The following DISC1 variants were observed in gnomAD, a reference collection of about 807,000 sequenced individuals.
DISC1 encodes DISC1 scaffold protein.
A neutral mutation model predicts 84.5 loss-of-function variants in DISC1; 57 were observed. That is an observed-to-expected ratio of 0.67 (90% CI 0.55 to 0.84). The LOEUF (loss-of-function observed/expected upper bound fraction) is 0.84. Among genes scored for constraint, DISC1 ranks in the 40% least tolerant of loss-of-function variants. The pLI is 0.00. For synonymous variants in DISC1, 411 were observed against 415.2 expected (o/e 0.99, Z 0.12); for missense variants, 1,000 against 1,057.8 (o/e 0.95, Z 0.76).
intron 11 of DISC1, among the ~76,000 whole-genome samples, chr1:232,016,202 T>TA (rs1423706641): frequency 1.3e-5 from 2 of 152,208 alleles, no homozygotes; most frequent in African/African-American, 2.4e-5. Flanking sequence ...GTGAAACACT[T>TA]AGAGTTCAAA....
chr1:232,020,863 C>T (rs947214519), intron 11 of DISC1, among the ~76,000 whole-genome samples: 1 of 152,172 alleles, frequency 6.6e-6, no homozygotes, highest in Non-Finnish European at 1.5e-5. Flanking sequence ...AGTAAAAACC[C>T]TTTTCCTCCT....
chr1:231,707,100 G>A (rs1337999156), intron 3 of DISC1, among the ~76,000 whole-genome samples: 3 of 152,150 alleles, frequency 2.0e-5, no homozygotes, highest in Admixed American at 6.5e-5. Flanking sequence ...AATAGAATCG[G>A]CCATTCTTAT....
intron 9 of DISC1, among the ~76,000 whole-genome samples, chr1:231,872,249 T>C (rs538518825): frequency 6.6e-6 from 1 of 152,358 alleles, no homozygotes; most frequent in East Asian, 1.9e-4. Flanking sequence ...TTGGCTTTCT[T>C]TCATTCTTTG....
chr1:231,642,613 T>G (rs2059819482), intron 1 of DISC1, among the ~76,000 whole-genome samples: 1 of 151,814 alleles, frequency 6.6e-6, no homozygotes, highest in South Asian at 2.1e-4. Flanking sequence ...CAGTAAATCT[T>G]TTTTTTTTCA....
At chr1:231,780,592 G>T (rs2077340960) in intron 6 of DISC1, among the ~76,000 whole-genome samples, 2 of 131,412 alleles carry the variant, frequency 1.5e-5, no homozygotes, top group East Asian at 4.3e-4. Flanking sequence ...CATTGTGGAA[G>T]TCAGTGTGGC....
intron 9 of DISC1, among the ~76,000 whole-genome samples, chr1:231,879,690 A>G (rs1446497173): frequency 6.6e-6 from 1 of 151,938 alleles, no homozygotes; most frequent in Non-Finnish European, 1.5e-5. Flanking sequence ...CATGGTGGGC[A>G]GGAGAGGGGA....
At chr1:231,688,608 T>C (rs986695711) in intron 1 of DISC1, among the ~76,000 whole-genome samples, 4 of 152,066 alleles carry the variant, frequency 2.6e-5, no homozygotes, top group African/African-American at 9.7e-5. Flanking sequence ...ATTAACCAAC[T>C]GAGCTAACCA....
chr1:231,860,769 C>T (rs917122444), intron 9 of DISC1, among the ~76,000 whole-genome samples: 1 of 152,164 alleles, frequency 6.6e-6, no homozygotes, highest in Non-Finnish European at 1.5e-5. Flanking sequence ...CTTGCAAAAA[C>T]TGAAATTTGG....
chr1:231,749,829 C>G, intron 3 of DISC1, 97 bp from the exon 4 acceptor site: 1 of 1,533,794 alleles, frequency 6.5e-7, no homozygotes, highest in Non-Finnish European at 9.0e-7. Flanking sequence ...GTCATTAAGG[C>G]AAAGGTTCAC....
At chr1:231,822,368 A>G (rs74144142) in intron 9 of DISC1, among the ~76,000 whole-genome samples, 3 of 152,266 alleles carry the variant, frequency 2.0e-5, no homozygotes, top group African/African-American at 7.2e-5. Context: ...TGAGAATACC[A>G]AGCAGCAAGA....
intron 9 of DISC1, among the ~76,000 whole-genome samples, chr1:231,829,263 CATT>C (rs2082057635): frequency 6.6e-6 from 1 of 152,130 alleles, no homozygotes; most frequent in African/African-American, 2.4e-5. Context: ...TAATAATAAG[CATT>C]ATTTTTTAAA....
intron 2 of DISC1, 129 bp from the exon 3 acceptor site, chr1:231,701,825 TG>T (rs1373522803): frequency 8.6e-6 from 7 of 818,438 alleles, no homozygotes; most frequent in East Asian, 5.9e-5. Context: ...TGTGCATTTT[TG>T]TTTTTTTTTT....
intron 3 of DISC1, among the ~76,000 whole-genome samples, chr1:231,736,476 A>C (rs74146728): frequency 1.5e-3 from 231 of 152,364 alleles, no homozygotes; most frequent in African/African-American, 5.3e-3. Flanking sequence ...GTGTTGTGAA[A>C]GAATATACAT....
chr1:232,001,574 A>G (rs74146537), intron 10 of DISC1, among the ~76,000 whole-genome samples: 23 of 152,336 alleles, frequency 1.5e-4, no homozygotes, highest in African/African-American at 5.3e-4. Context: ...AACCCTAAAA[A>G]TAGGTCCATA....
chr1:231,952,074 C>A (rs1658478722), intron 9 of DISC1, among the ~76,000 whole-genome samples: 1 of 128,874 alleles, frequency 7.8e-6, no homozygotes, highest in East Asian at 2.2e-4. Flanking sequence ...CAGAGCAAGA[C>A]CTTGTCTCAA....
chr1:231,681,459 G>T (rs552380165), intron 1 of DISC1, among the ~76,000 whole-genome samples: 3 of 151,890 alleles, frequency 2.0e-5, no homozygotes, highest in Non-Finnish European at 4.4e-5. Context: ...AACTTCATCA[G>T]TACAAAAAAA....
At chr1:231,879,495 A>T (rs1289800666) in intron 9 of DISC1, among the ~76,000 whole-genome samples, 1 of 151,992 alleles carries the variant, frequency 6.6e-6, no homozygotes, top group African/African-American at 2.4e-5. Flanking sequence ...TTCAAAGACC[A>T]TATGGCCTCC....
At chr1:232,029,981 C>T (rs199894239) in intron 12 of DISC1, among the ~76,000 whole-genome samples, 1 of 152,204 alleles carries the variant, frequency 6.6e-6, no homozygotes, top group Non-Finnish European at 1.5e-5. Context: ...GCCTCTTCAT[C>T]GTCCTGACAG....
chr1:231,758,968 A>C (rs765140887), intron 4 of DISC1, among the ~76,000 whole-genome samples: 1 of 152,210 alleles, frequency 6.6e-6, no homozygotes, highest in Admixed American at 6.5e-5. Flanking sequence ...ACCTTTTCCC[A>C]GGGGATAACC....
Sources: gnomAD v4.1 joint callset for allele counts (sites outside exome capture counted in the v4.1 genomes callset) on GRCh38, gnomAD v4.1.1 for gene constraint, MANE v1.5 for transcripts, NCBI Gene and HGNC (gene_info 2026-07-23, HGNC 2026-07-21) for gene names.